PCDHGA1: variants seen among roughly 807,000 people sequenced by gnomAD.
PCDHGA1 encodes the protein protocadherin gamma-A1.
PCDHGA1 carries 32 observed loss-of-function variants against 58.0 expected under a neutral mutation model. The ratio of observed to expected loss-of-function variants is 0.55; its 90% CI spans 0.42 to 0.74. The LOEUF (loss-of-function observed/expected upper bound fraction) is 0.74, where lower values mean the gene tolerates loss of function less well. PCDHGA1 is among the 30% of genes least tolerant of loss of function. The pLI is 0.00. For synonymous variants in PCDHGA1, 498 were observed against 501.1 expected, an observed-to-expected ratio of 0.99 and a Z score of 0.08; for missense variants, 1,205 against 1,182.3, an observed-to-expected ratio of 1.02 and a Z score of -0.28.
Position 141,331,995 on chromosome 5 carries a change from C to T in PCDHGA1, c.1311C>T (p.His437=). ...QGTPALSTET[H]ISLLVTDIND... ...CTCCAGCTCTATCTACTGAAACTCA[C>T]ATTTCACTACTAGTGACAGATATCA... The change falls in exon 1 of 4, where the codon CAC becomes CAT. Residue 437 remains histidine, a synonymous_variant. Transcript: ENST00000517417. 1.9e-6 allele frequency: 3 copies of T among 1,614,146 alleles called. No individual in the cohort carries two copies. In the East Asian group the frequency reaches 6.7e-5, roughly 36 times the overall value.
chr5:141,360,843 C>A, intron 1 of PCDHGA1: 1 of 1,613,956 alleles, frequency 6.2e-7, no homozygotes, highest in Non-Finnish European at 8.5e-7. Context: ...CGGATGCCAA[C>A]GATAACCCTC....
intron 1 of PCDHGA1, chr5:141,409,042 C>A: frequency 5.0e-6 from 8 of 1,614,034 alleles, no homozygotes; most frequent in Middle Eastern, 1.6e-4. Context: ...TAAACTACTA[C>A]TTCCGAAGCA....
At chr5:141,449,521 G>A (rs1238503983) in intron 1 of PCDHGA1, among the ~76,000 whole-genome samples, 4 of 150,262 alleles carry the variant, frequency 2.7e-5, no homozygotes, top group African/African-American at 9.8e-5. Flanking sequence ...CCTGGGAGGC[G>A]GAGGTTGCAG....
In PCDHGA1 at chr5:141,477,524, A is replaced by G. The variant is rs1302186932; in HGVS notation, c.2422-17283A>G. The stretch of plus-strand genomic sequence containing the variant: ...CTACGACGTTTACATTGAAGAAAAC[A>G]ACCTCCCCGGGGCTCCAATACTAAA... On this transcript the variant is annotated intron_variant, in intron 1 of 3. Coordinates refer to ENST00000517417, the MANE Select transcript of PCDHGA1 (RefSeq NM_018912.3). The surrounding 1 kb of genome is among the most constrained non-coding windows in gnomAD (Gnocchi z 4.9). The G allele has an allele frequency of 1.2e-6, 2 of 1,614,122 alleles. No individual in the cohort carries two copies. Among genetic ancestry groups the G allele is most frequent in the Non-Finnish European group, 1.7e-6 (2 of 1,180,022 alleles).
intron 1 of PCDHGA1, chr5:141,366,144 C>T (rs925056179): frequency 1.9e-6 from 3 of 1,614,182 alleles, no homozygotes; most frequent in Non-Finnish European, 2.5e-6. Flanking sequence ...GCCTGGCTGT[C>T]CTACCGCCTG....
In PCDHGA1 at chr5:141,477,294, C is replaced by T. The variant is rs753131175; in HGVS notation, c.2422-17513C>T. ...GGGCTGGTGACCTGCGAAGTTCCAC[C>T]GGGTCTCCCTTTCAGCCTTACTTCT... is the stretch of plus-strand genomic sequence containing the variant. On this transcript the variant is annotated intron_variant, in intron 1 of 3. Transcript: ENST00000517417. The surrounding 1 kb of genome is among the most constrained non-coding windows in gnomAD (Gnocchi z 4.9). 4.3e-6 allele frequency: 7 copies of T among 1,614,142 alleles called. No individual in the cohort carries two copies. Among genetic ancestry groups the T allele is most frequent in the East Asian group, 4.5e-5 (2 of 44,872 alleles).
In PCDHGA1 at chr5:141,330,987, G is replaced by A; in HGVS notation, c.303G>A (p.Pro101=). The A allele has an allele frequency of 2.5e-6, 4 of 1,614,210 alleles. No homozygotes were observed. Among genetic ancestry groups the A allele is most frequent in the African/African-American group, 1.3e-5 (1 of 75,048 alleles). The change falls in exon 1 of 4, where the codon CCG becomes CCA. Residue 101 remains proline, a synonymous_variant. Coordinates refer to ENST00000517417, the MANE Select transcript of PCDHGA1 (RefSeq NM_018912.3). Reference sequence around the variant, plus strand: ...AGGAGCTCTGCGCTCAGAGCATGCCGTGTCTCGTGAGTTTTAATATCCTTG... The same window carrying A: ...AGGAGCTCTGCGCTCAGAGCATGCCATGTCTCGTGAGTTTTAATATCCTTG... ...DREELCAQSM[P]CLVSFNILVE... is the part of the protein sequence containing the mutation.
chr5:141,362,642 T>A, intron 1 of PCDHGA1: 1 of 1,462,416 alleles, frequency 6.8e-7, no homozygotes, highest in African/African-American at 1.4e-5. Context: ...TTTCTTTGTC[T>A]GTGAGTTAGA....
chr5:141,363,768 C>T (rs944933090), intron 1 of PCDHGA1, among the ~76,000 whole-genome samples: 2 of 152,094 alleles, frequency 1.3e-5, no homozygotes, highest in African/African-American at 2.4e-5. Flanking sequence ...CAAATAAGCA[C>T]GTTTTCCTAA....
rs1483845993 is a variant in PCDHGA1, at chr5:141,372,004, A to G, written c.2421+38899A>G. On this transcript the variant is annotated intron_variant, in intron 1 of 3. Transcript: ENST00000517417. ...GAGCTCACTCTGCAGGCCCGCGACC[A>G]GGGCTCGCCTACGCTCAGCGCCAAC... 5.0e-6 allele frequency: 8 copies of G among 1,613,122 alleles called. No homozygotes were observed. The highest frequency in any genetic ancestry group is 6.8e-6 in the Non-Finnish European group (8 of 1,179,734).
At chr5:141,464,923 A>G (rs544281066) in intron 1 of PCDHGA1, among the ~76,000 whole-genome samples, 3 of 151,406 alleles carry the variant, frequency 2.0e-5, no homozygotes, top group Non-Finnish European at 4.4e-5. Flanking sequence ...ATTTTTTTGT[A>G]GAGATGTGAG....
intron 1 of PCDHGA1, among the ~76,000 whole-genome samples, chr5:141,438,615 TATATATATATATATATATATACACACAC>T (rs2098021754): frequency 1.1e-4 from 4 of 35,920 alleles, no homozygotes; most frequent in Non-Finnish European, 1.8e-4. Flanking sequence ...TATATATATA[TATATATATATATATATATATACACACAC>T]ACACACACAT....
At chr5:141,445,364 C>T (rs1374418361) in intron 1 of PCDHGA1, among the ~76,000 whole-genome samples, 1 of 152,158 alleles carries the variant, frequency 6.6e-6, no homozygotes, top group African/African-American at 2.4e-5. Flanking sequence ...CAAGTCTGGT[C>T]CTGGGTGGTT....
At chr5:141,439,202 A>AG (rs1348445707) in intron 1 of PCDHGA1, among the ~76,000 whole-genome samples, 2 of 151,954 alleles carry the variant, frequency 1.3e-5, no homozygotes, top group African/African-American at 4.8e-5. Context: ...AAAAAAAAAA[A>AG]AAATCCATAT....
chr5:141,357,791 A>C, intron 1 of PCDHGA1: 1 of 828,800 alleles, frequency 1.2e-6, no homozygotes, highest in African/African-American at 1.7e-5. Flanking sequence ...AGTATTTACC[A>C]CACAAAAATG....
intron 1 of PCDHGA1, among the ~76,000 whole-genome samples, chr5:141,336,250 G>T (rs931829573): frequency 2.0e-5 from 3 of 152,074 alleles, no homozygotes; most frequent in Non-Finnish European, 4.4e-5. Context: ...AGGCACAATG[G>T]CACACCTATA....
chr5:141,376,416 C>T (rs1450125576), intron 1 of PCDHGA1: 1 of 1,614,216 alleles, frequency 6.2e-7, no homozygotes, highest in Non-Finnish European at 8.5e-7. Context: ...TATGCCGACA[C>T]GCTTATCAAC....
intron 1 of PCDHGA1, among the ~76,000 whole-genome samples, chr5:141,335,203 A>G (rs966098267): frequency 2.6e-5 from 4 of 152,160 alleles, no homozygotes; most frequent in Admixed American, 6.5e-5. Context: ...TCTTATAATC[A>G]TAATTTTTTT....
chr5:141,452,525 G>A (rs1227647193), intron 1 of PCDHGA1, among the ~76,000 whole-genome samples: 3 of 152,126 alleles, frequency 2.0e-5, no homozygotes, highest in Admixed American at 6.5e-5. Flanking sequence ...CCTCAAAATC[G>A]TGAGTTCATA....
Sources: gnomAD v4.1 joint callset for allele counts (sites outside exome capture counted in the v4.1 genomes callset) on GRCh38, gnomAD v4.1.1 for gene constraint, Gnocchi (gnomAD v3.1) non-coding constraint, MANE v1.5 for transcripts, NCBI Gene and HGNC (gene_info 2026-07-23, HGNC 2026-07-21) for gene names.